The following DYNC1LI1 variants were observed in gnomAD, a reference collection of about 807,000 sequenced individuals.
DYNC1LI1 encodes dynein cytoplasmic 1 light intermediate chain 1.
A neutral mutation model predicts 63.8 loss-of-function variants in DYNC1LI1; 19 were observed. That is an observed-to-expected ratio of 0.30 (90% CI 0.21 to 0.44). The LOEUF is 0.44. DYNC1LI1 is among the 20% of genes least tolerant of loss of function. The probability of loss-of-function intolerance (pLI) is 1.00; values close to 1 mark genes in which losing one functional copy is unlikely to be tolerated. For synonymous variants in DYNC1LI1, 225 were observed against 232.3 expected (o/e 0.97, Z 0.28); for missense variants, 565 against 630.2 (o/e 0.90, Z 1.11).
chr3:32,546,442 A>G, intron 2 of DYNC1LI1, among the ~76,000 whole-genome samples: 1 of 152,136 alleles, frequency 6.6e-6, no homozygotes. Context: ...TGCAGACTCC[A>G]TCATGACCAG....
chr3:32,566,004 C>T (rs1698254304), intron 2 of DYNC1LI1, among the ~76,000 whole-genome samples: 1 of 152,170 alleles, frequency 6.6e-6, no homozygotes, highest in Non-Finnish European at 1.5e-5. Context: ...TGTGGTAGCT[C>T]ACCCCTGTAA....
chr3:32,556,700 C>A (rs1276759702), intron 2 of DYNC1LI1, among the ~76,000 whole-genome samples: 1 of 152,104 alleles, frequency 6.6e-6, no homozygotes, highest in Non-Finnish European at 1.5e-5. Context: ...TGCCACCATG[C>A]CTGGCTAATT....
At position 32,526,727 on chromosome 3, in the gene DYNC1LI1, C is replaced by T; in HGVS notation, c.*72G>A. On this transcript the variant is annotated 3_prime_UTR_variant, in exon 13 of 13. Transcript: ENST00000273130. ...GAAGCACTCCAGCTTTCTAATTCCA[C>T]TTTTGAAGGAAAAGGCAGAGGCATG... 8 of 1,191,256 alleles carry T rather than the reference C, an allele frequency of 6.7e-6. No individual in the cohort carries two copies. The highest frequency in any genetic ancestry group is 9.9e-6 in the Non-Finnish European group (8 of 809,998). 73.8% of individuals were successfully genotyped at this position (1,191,256 alleles called of 1,614,324 possible).
At chr3:32,533,238 C>G (rs1046718209) in intron 7 of DYNC1LI1, 141 bp from the exon 8 acceptor site, 3 of 1,305,232 alleles carry the variant, frequency 2.3e-6, no homozygotes, top group Non-Finnish European at 3.0e-6. Flanking sequence ...ATTATGATGT[C>G]CACGTTTTAC....
Position 32,545,837 on chromosome 3 carries a change from A to T in DYNC1LI1, c.337+12T>A. 1.9e-6 allele frequency: 3 copies of T among 1,553,254 alleles called. No homozygotes were observed. The highest frequency in any genetic ancestry group is 1.4e-5 in the African/African-American group (1 of 73,752). ...ATAGACTTCAGAAATTTATGTTACA[A>T]ATGACACTCACCATCCCTGTCTTCA... On this transcript the variant is annotated intron_variant, in intron 3 of 12. Transcript: ENST00000273130.
chr3:32,546,096 G>T (rs779319569), intron 2 of DYNC1LI1, 131 bp from the exon 3 acceptor site: 35 of 623,180 alleles, frequency 5.6e-5, no homozygotes, highest in Non-Finnish European at 9.7e-5. Context: ...AAATATAATG[G>T]AGCAGCTACA....
chr3:32,528,249 A>T (rs1363913355), intron 12 of DYNC1LI1, among the ~76,000 whole-genome samples, 197 bp downstream of exon 12: 1 of 152,138 alleles, frequency 6.6e-6, no homozygotes, highest in Non-Finnish European at 1.5e-5. Context: ...AGATAGACAA[A>T]TCCACAGAGG....
At chr3:32,555,892 T>C (rs1253857897) in intron 2 of DYNC1LI1, among the ~76,000 whole-genome samples, 1 of 152,254 alleles carries the variant, frequency 6.6e-6, no homozygotes, top group Non-Finnish European at 1.5e-5. Context: ...TTGAGATATA[T>C]GCGTATTAAC....
intron 2 of DYNC1LI1, among the ~76,000 whole-genome samples, chr3:32,556,339 T>C (rs1698114975): frequency 6.6e-6 from 1 of 152,196 alleles, no homozygotes. Context: ...CTTAGACGTG[T>C]GTTTCTTCCA....
chr3:32,558,733 T>C (rs1165862300), intron 2 of DYNC1LI1, among the ~76,000 whole-genome samples: 3 of 151,754 alleles, frequency 2.0e-5, no homozygotes, highest in Non-Finnish European at 2.9e-5. Context: ...TAATCCCAGC[T>C]ACTCAGGAAG....
intron 5 of DYNC1LI1, 79 bp from the exon 6 acceptor site, chr3:32,537,183 G>A (rs763024537): frequency 2.0e-4 from 145 of 742,460 alleles, no homozygotes; most frequent in Non-Finnish European, 2.3e-4. Context: ...GTTCAATTCT[G>A]GATAGGGGAA....
At chr3:32,552,587 A>G (rs1468831337) in intron 2 of DYNC1LI1, among the ~76,000 whole-genome samples, 1 of 152,132 alleles carries the variant, frequency 6.6e-6, no homozygotes, top group East Asian at 1.9e-4. Flanking sequence ...AGCTCCAGAA[A>G]AATAGGCATT....
intron 6 of DYNC1LI1, among the ~76,000 whole-genome samples, chr3:32,535,407 T>C (rs1372646710): frequency 6.6e-6 from 1 of 152,186 alleles, no homozygotes; most frequent in Non-Finnish European, 1.5e-5. Flanking sequence ...CTGGCCCTTG[T>C]TTCTCCAAGG....
chr3:32,550,851 G>GA (rs1698028157), intron 2 of DYNC1LI1, among the ~76,000 whole-genome samples: 1 of 152,120 alleles, frequency 6.6e-6, no homozygotes, highest in African/African-American at 2.4e-5. Flanking sequence ...TCCATGGCTG[G>GA]ATGTGGTGGC....
chr3:32,533,315 GA>G (rs1215706656), intron 7 of DYNC1LI1, among the ~76,000 whole-genome samples: 4 of 151,928 alleles, frequency 2.6e-5, no homozygotes, highest in Admixed American at 6.6e-5. Flanking sequence ...AAATAAAAAA[GA>G]AAAAAAATTA....
chr3:32,553,129 T>G (rs1298698771), intron 2 of DYNC1LI1, among the ~76,000 whole-genome samples: 1 of 151,698 alleles, frequency 6.6e-6, no homozygotes. Flanking sequence ...AACCCAGGAG[T>G]TGAAGGCCAG....
At position 32,534,514 on chromosome 3, in the gene DYNC1LI1, A is replaced by C. The variant is rs759665125; in HGVS notation, c.965T>G (p.Phe322Cys). 2 of 1,576,854 alleles carry C rather than the reference A, an allele frequency of 1.3e-6. No homozygotes were observed. Among genetic ancestry groups the C allele is most frequent in the Admixed American group, 3.6e-5 (2 of 55,160 alleles). The change falls in exon 7 of 13, where the codon TTT becomes TGT. Residue 322 changes from phenylalanine (F) to cysteine (C), a missense_variant. Transcript: ENST00000273130. ...PAVVVEKDAV[F>C]IPAGWDNDKK... is the part of the protein sequence containing the mutation. Reference sequence around the variant, plus strand: ...ATATATTTAAGAGTACACTTACATAAATACTGCATCCTTTTCCACAACAAC... The same window carrying C: ...ATATATTTAAGAGTACACTTACATACATACTGCATCCTTTTCCACAACAAC...
chr3:32,570,459 A>G, intron 1 of DYNC1LI1, 40 bp from the exon 2 acceptor site: 2 of 1,548,458 alleles, frequency 1.3e-6, no homozygotes, highest in Non-Finnish European at 1.7e-6. Flanking sequence ...CGGAGGCCGG[A>G]GCCGCAGCGC....
intron 2 of DYNC1LI1, among the ~76,000 whole-genome samples, chr3:32,563,085 G>A (rs938529344): frequency 2.0e-5 from 3 of 151,972 alleles, no homozygotes; most frequent in Non-Finnish European, 4.4e-5. Flanking sequence ...GAGATTATAA[G>A]CTCCTGGAGG....
Sources: allele counts gnomAD v4.1 joint callset (sites outside exome capture counted in the v4.1 genomes callset), GRCh38; gene constraint gnomAD v4.1.1; transcripts MANE v1.5; gene names NCBI Gene and HGNC (gene_info 2026-07-23, HGNC 2026-07-21).